Variants in RGS21 observed in about 807,000 individuals in gnomAD.
The protein encoded by RGS21 is regulator of G-protein signalling 21.
A neutral mutation model predicts 18.7 loss-of-function variants in RGS21; 19 were observed. The ratio of observed to expected loss-of-function variants is 1.01; its 90% CI spans 0.71 to 1.49. The LOEUF is 1.49. Among genes scored for constraint, RGS21 ranks in the 40% most tolerant of loss-of-function variants. The pLI is 0.00. For synonymous variants in RGS21, 56 were observed against 57.8 expected (o/e 0.97, Z 0.14); for missense variants, 194 against 176.8 (o/e 1.10, Z -0.55).
intron 4 of RGS21, among the ~76,000 whole-genome samples, chr1:192,364,998 T>A (rs1659234633): frequency 1.3e-5 from 2 of 152,104 alleles, no homozygotes; most frequent in Non-Finnish European, 2.9e-5. Flanking sequence ...TAGCCAGGCA[T>A]GGTGGAGCAC....
chr1:192,357,466 C>T (rs1434279482), intron 4 of RGS21, among the ~76,000 whole-genome samples: 1 of 151,854 alleles, frequency 6.6e-6, no homozygotes, highest in Non-Finnish European at 1.5e-5. Flanking sequence ...GCTAAAGAAA[C>T]TATAATATCT....
In RGS21 at chr1:192,367,122, G is replaced by T. The variant is rs1224433764; in HGVS notation, c.*998G>T. 2 of 151,914 alleles carry T rather than the reference G, an allele frequency of 1.3e-5. No individual in the cohort carries two copies. The highest frequency in any genetic ancestry group is 2.9e-5 in the Non-Finnish European group (2 of 67,936). The allele number at this position is 151,914 out of a possible 1,614,324, so 9.4% of individuals were successfully genotyped here. Reference sequence around the variant, plus strand: ...CCCACGTTTCCATTTTCTTTGCACAGATTTATTTATCTGCATTGATATTTC... The same window carrying T: ...CCCACGTTTCCATTTTCTTTGCACATATTTATTTATCTGCATTGATATTTC... On this transcript the variant is annotated 3_prime_UTR_variant, in exon 5 of 5. Transcript: ENST00000417209.
chr1:192,351,690 GCTATA>G (rs1659042545), intron 3 of RGS21, among the ~76,000 whole-genome samples: 1 of 145,748 alleles, frequency 6.9e-6, no homozygotes, highest in Non-Finnish European at 1.5e-5. Flanking sequence ...TAATATATAT[GCTATA>G]TATGCTATAT....
chr1:192,366,059 A>G lies in RGS21; in HGVS notation c.394A>G (p.Ile132Val). The G allele has an allele frequency of 6.2e-7, 1 of 1,611,996 alleles. No individual in the cohort carries two copies. Among genetic ancestry groups the G allele is most frequent in the Non-Finnish European group, 8.5e-7 (1 of 1,178,798 alleles). The change falls in exon 5 of 5, where the codon ATT (isoleucine) becomes GTT (valine). Residue 132 changes from isoleucine to valine, a missense_variant. Physicochemically the swap from Ile to Val is conservative, Grantham distance 29 (BLOSUM62 3). Transcript: ENST00000417209. ...DSFPRFLKSE[I>V]YKKLVNSQQV... Reference sequence around the variant, plus strand: ...TTTCCCTCGATTTCTGAAGTCAGAGATTTATAAAAAACTGGTAAATAGCCA... The same window carrying G: ...TTTCCCTCGATTTCTGAAGTCAGAGGTTTATAAAAAACTGGTAAATAGCCA...
At chr1:192,324,835 A>G (rs955884364) in intron 1 of RGS21, among the ~76,000 whole-genome samples, 6 of 152,078 alleles carry the variant, frequency 3.9e-5, no homozygotes, top group African/African-American at 1.4e-4. Context: ...AGTCCATCCC[A>G]GGCCAACAAA....
chr1:192,319,813 T>C (rs1658470750), intron 1 of RGS21, among the ~76,000 whole-genome samples: 2 of 152,146 alleles, frequency 1.3e-5, no homozygotes. Context: ...CTCTTTCCTC[T>C]ATGTGCCTGC....
intron 4 of RGS21, among the ~76,000 whole-genome samples, chr1:192,354,231 A>T (rs1180516888): frequency 6.6e-6 from 1 of 151,778 alleles, no homozygotes; most frequent in Admixed American, 6.6e-5. Flanking sequence ...AAACTAGTCA[A>T]ATACACAATA....
chr1:192,317,531 A>G (rs905579784), intron 1 of RGS21, among the ~76,000 whole-genome samples: 2 of 151,928 alleles, frequency 1.3e-5, no homozygotes, highest in Admixed American at 1.3e-4. Flanking sequence ...TTTCTCAAGG[A>G]CACACAGCAG....
chr1:192,360,920 G>T (rs1269808340), intron 4 of RGS21, among the ~76,000 whole-genome samples: 1 of 151,914 alleles, frequency 6.6e-6, no homozygotes, highest in African/African-American at 2.4e-5. Context: ...CTGATTTCTT[G>T]ATTGACTTTT....
At chr1:192,364,713 T>G (rs1419539479) in intron 4 of RGS21, among the ~76,000 whole-genome samples, 1 of 152,120 alleles carries the variant, frequency 6.6e-6, no homozygotes, top group Non-Finnish European at 1.5e-5. Flanking sequence ...ACATTTAAAT[T>G]CCATTTAACA....
intron 1 of RGS21, among the ~76,000 whole-genome samples, chr1:192,337,747 A>G (rs1047802163): frequency 6.6e-6 from 1 of 152,176 alleles, no homozygotes; most frequent in African/African-American, 2.4e-5. Context: ...CTATGAGATT[A>G]CAATGTGGAT....
intron 1 of RGS21, among the ~76,000 whole-genome samples, chr1:192,328,899 A>C (rs1244037200): frequency 1.3e-5 from 2 of 152,116 alleles, no homozygotes; most frequent in Admixed American, 6.5e-5. Context: ...TAGAAATATT[A>C]AAGCTTGATA....
At chr1:192,324,706 A>G (rs529425135) in intron 1 of RGS21, among the ~76,000 whole-genome samples, 1 of 152,060 alleles carries the variant, frequency 6.6e-6, no homozygotes, top group Non-Finnish European at 1.5e-5. Flanking sequence ...TTTGGCATTC[A>G]AAAACCTCCA....
At chr1:192,352,754 A>C (rs187551376) in intron 4 of RGS21, among the ~76,000 whole-genome samples, 1 of 152,066 alleles carries the variant, frequency 6.6e-6, no homozygotes, top group East Asian at 1.9e-4. Flanking sequence ...TGCTGCTTAA[A>C]GATCAGGAAA....
rs143995464 is a variant in RGS21, at chr1:192,347,761, G to T, written c.88+372G>T. 6.2e-4 allele frequency among the ~76,000 whole-genome samples: 95 copies of T among 152,140 alleles called. No homozygotes were observed. The East Asian group carries it at 0.017, about 28-fold the overall frequency. On this transcript the variant is annotated intron_variant, in intron 3 of 4. Transcript: ENST00000417209. ...TGCAAACTCCACCTTCTGGGTTCAA[G>T]CAATTTTCCTGACTCAGCCTCCTGA...
chr1:192,340,220 G>T (rs1658838074), intron 1 of RGS21, among the ~76,000 whole-genome samples: 1 of 152,004 alleles, frequency 6.6e-6, no homozygotes, highest in Non-Finnish European at 1.5e-5. Flanking sequence ...TTGTCCATAA[G>T]ATCTCCCATA....
At chr1:192,359,655 G>GTGTATATATATATATATATATA (rs1553241170) in intron 4 of RGS21, among the ~76,000 whole-genome samples, 10 of 124,278 alleles carry the variant, frequency 8.0e-5, no homozygotes, top group African/African-American at 3.0e-4. Context: ...GTGTGTGTGT[G>GTGTATATATATATATATATATA]TATATATATA....
chr1:192,353,590 T>G (rs529022691), intron 4 of RGS21, among the ~76,000 whole-genome samples: 1 of 151,824 alleles, frequency 6.6e-6, no homozygotes, highest in Non-Finnish European at 1.5e-5. Context: ...TAGGATAATA[T>G]TTTGAAACAT....
intron 4 of RGS21, among the ~76,000 whole-genome samples, chr1:192,352,610 C>G (rs1410310503): frequency 1.3e-5 from 2 of 151,934 alleles, no homozygotes. Context: ...GGATAGCATT[C>G]TTGAATATTT....
Sources: gnomAD v4.1 joint callset for allele counts (sites outside exome capture counted in the v4.1 genomes callset) on GRCh38, gnomAD v4.1.1 for gene constraint, MANE v1.5 for transcripts, NCBI Gene and HGNC (gene_info 2026-07-23, HGNC 2026-07-21) for gene names.